MTCL3: variants seen among roughly 807,000 people sequenced by gnomAD.
The protein encoded by MTCL3 is MTCL family member 3.
the MTCL3 span, chr6:127,517,861 C>G: frequency 6.6e-6 from 1 of 152,172 alleles, no homozygotes; most frequent in Non-Finnish European, 1.5e-5. Flanking sequence ...TTATTTCTGT[C>G]TAAAGCACTG....
At chr6:127,475,218 C>T in the MTCL3 span, 85 of 1,477,508 alleles carry the variant, frequency 5.8e-5, no homozygotes, top group Non-Finnish European at 7.4e-5. This position sits in a 1 kb window ranked among gnomAD's most constrained non-coding sequence, Gnocchi z 7.3. Context: ...GTCCGGGCGC[C>T]GAGACGCCCC....
At chr6:127,495,138 A>C in the MTCL3 span, among the ~76,000 whole-genome samples, 1 of 152,022 alleles carries the variant, frequency 6.6e-6, no homozygotes, top group African/African-American at 2.4e-5. Flanking sequence ...CGGAGCTTGC[A>C]GTGAGCCAAG....
chr6:127,512,763 A>C, the MTCL3 span: 1 of 769,378 alleles, frequency 1.3e-6, no homozygotes, highest in Non-Finnish European at 2.0e-6. Flanking sequence ...ATTTTTTACT[A>C]TTTGGGTAAG....
the MTCL3 span, among the ~76,000 whole-genome samples, chr6:127,474,595 T>A: frequency 6.6e-6 from 1 of 152,162 alleles, no homozygotes; most frequent in Admixed American, 6.5e-5. Context: ...CTTTCTTTTT[T>A]TTGAGACAGG....
chr6:127,502,636 T>C, the MTCL3 span, among the ~76,000 whole-genome samples: 32 of 152,216 alleles, frequency 2.1e-4, no homozygotes, highest in Admixed American at 2.1e-3. Flanking sequence ...TAGACAGCTC[T>C]AAAATTTTAT....
the MTCL3 span, among the ~76,000 whole-genome samples, chr6:127,478,965 C>G: frequency 6.8e-6 from 1 of 146,140 alleles, no homozygotes; most frequent in South Asian, 2.2e-4. Flanking sequence ...TGCAGTAAGC[C>G]GAGATTGCGC....
chr6:127,498,380 T>C, the MTCL3 span, among the ~76,000 whole-genome samples: 1 of 152,172 alleles, frequency 6.6e-6, no homozygotes, highest in African/African-American at 2.4e-5. Context: ...ACCACAATGA[T>C]GTATCATTTG....
the MTCL3 span, among the ~76,000 whole-genome samples, chr6:127,499,255 G>A: frequency 1.3e-5 from 2 of 152,086 alleles, no homozygotes; most frequent in Non-Finnish European, 2.9e-5. Flanking sequence ...AGGTCATAAC[G>A]GGAGATGAAG....
At chr6:127,475,856 A>T in the MTCL3 span, 4 of 1,613,496 alleles carry the variant, frequency 2.5e-6, no homozygotes, top group Non-Finnish European at 3.4e-6. The surrounding 1 kb of genome is among the most constrained non-coding windows in gnomAD (Gnocchi z 7.3). Flanking sequence ...CGGTTCTCGT[A>T]CTGCAGCTGC....
the MTCL3 span, among the ~76,000 whole-genome samples, chr6:127,499,867 C>T: frequency 2.0e-5 from 3 of 152,234 alleles, no homozygotes; most frequent in Admixed American, 2.0e-4. Flanking sequence ...TTTCCCCTCA[C>T]TACCTTTCTT....
the MTCL3 span, among the ~76,000 whole-genome samples, chr6:127,492,831 A>T: frequency 6.6e-6 from 1 of 152,162 alleles, no homozygotes. Flanking sequence ...CCCCAGAAAA[A>T]TTTTTTAATG....
chr6:127,475,362 G>A, the MTCL3 span: 13 of 1,613,274 alleles, frequency 8.1e-6, no homozygotes, highest in South Asian at 1.2e-4. This position sits in a 1 kb window ranked among gnomAD's most constrained non-coding sequence, Gnocchi z 7.3. Context: ...GGCGGTCGAT[G>A]AAGGTCTGCA....
chr6:127,498,463 C>G, the MTCL3 span, among the ~76,000 whole-genome samples: 5 of 152,078 alleles, frequency 3.3e-5, no homozygotes, highest in African/African-American at 1.2e-4. Flanking sequence ...AATTAGAATC[C>G]TCATCCGTTG....
the MTCL3 span, among the ~76,000 whole-genome samples, chr6:127,503,107 G>C: frequency 3.3e-5 from 5 of 152,270 alleles, no homozygotes; most frequent in Admixed American, 3.3e-4. Flanking sequence ...TTCCCTAAAG[G>C]GGGTAGGTTA....
At chr6:127,495,956 A>G in the MTCL3 span, among the ~76,000 whole-genome samples, 1 of 152,162 alleles carries the variant, frequency 6.6e-6, no homozygotes, top group Non-Finnish European at 1.5e-5. Context: ...TCGGCTGGGC[A>G]TGGTGGCTCA....
the MTCL3 span, chr6:127,516,014 C>A: frequency 1.3e-6 from 2 of 1,590,076 alleles, no homozygotes; most frequent in South Asian, 2.2e-5. Context: ...TGAGCGCGTA[C>A]GCCTTTCCCT....
the MTCL3 span, among the ~76,000 whole-genome samples, chr6:127,495,097 G>A: frequency 8.6e-5 from 13 of 151,936 alleles, no homozygotes; most frequent in Admixed American, 1.3e-4. Flanking sequence ...CTAGGAAGGC[G>A]GAGGCAGGAG....
the MTCL3 span, among the ~76,000 whole-genome samples, chr6:127,498,769 A>G: frequency 2.0e-5 from 3 of 152,212 alleles, no homozygotes; most frequent in Admixed American, 2.0e-4. Context: ...GATACACGCT[A>G]CAGGGATGAA....
the MTCL3 span, chr6:127,515,120 C>T: frequency 7.7e-7 from 1 of 1,304,506 alleles, no homozygotes; most frequent in Admixed American, 1.7e-5. This position sits in a 1 kb window ranked among gnomAD's most constrained non-coding sequence, Gnocchi z 4.3. Context: ...GTACACACCC[C>T]ATTCCAATTC....
Sources: gnomAD v4.1 joint callset for allele counts (sites outside exome capture counted in the v4.1 genomes callset) on GRCh38, gnomAD v4.1.1 for gene constraint, Gnocchi (gnomAD v3.1) non-coding constraint, MANE v1.5 for transcripts, NCBI Gene and HGNC (gene_info 2026-07-23, HGNC 2026-07-21) for gene names.